Variants in MACF1 observed in about 807,000 individuals in gnomAD.
MACF1 encodes microtubule actin crosslinking factor 1.
Under a neutral mutation model 854.8 loss-of-function variants are expected in MACF1, and 193 were observed. The ratio of observed to expected loss-of-function variants is 0.23; its 90% CI spans 0.20 to 0.25. The LOEUF (loss-of-function observed/expected upper bound fraction) is 0.25. MACF1 is among the 10% of genes least tolerant of loss of function. The pLI is 1.00. For missense variants in MACF1, 7,722 were observed against 8,929.1 expected, an observed-to-expected ratio of 0.86 and a Z score of 5.45; for synonymous variants, 3,185 against 3,226.7, an observed-to-expected ratio of 0.99 and a Z score of 0.44.
intron 58 of MACF1, among the ~76,000 whole-genome samples, chr1:39,418,855 C>T (rs1040548191): frequency 3.4e-5 from 5 of 149,124 alleles, no homozygotes; most frequent in African/African-American, 1.2e-4. Flanking sequence ...AGTGTGAGAC[C>T]CTGTCTCAAA....
intron 6 of MACF1, among the ~76,000 whole-genome samples, chr1:39,275,372 C>T (rs939564979): frequency 5.3e-5 from 8 of 151,904 alleles, no homozygotes; most frequent in Non-Finnish European, 7.4e-5. Context: ...TGAGCCACTG[C>T]GCCTGTAATT....
chr1:39,106,999 G>A (rs1000848320), intron 2 of MACF1, among the ~76,000 whole-genome samples: 3 of 152,114 alleles, frequency 2.0e-5, no homozygotes, highest in Non-Finnish European at 2.9e-5. Context: ...TTTAAGAAAT[G>A]TGGTTCATTT....
rs1055738266 is a variant in MACF1, at chr1:39,440,915, A to G, written c.18448-88A>G. On this transcript the variant is annotated intron_variant, in intron 72 of 100. Transcript: ENST00000564288. ...CTGACAGTTATGTTGAGCATCTGCT[A>G]TTGATGGGGTATAAATCACATTTGC... 1.3e-5 allele frequency: 17 copies of G among 1,344,670 alleles called. No individual in the cohort carries two copies. In the African/African-American group the frequency reaches 1.7e-4, roughly 14 times the overall value. The allele number at this position is 1,344,670 out of a possible 1,614,324, so 83.3% of individuals were successfully genotyped here.
chr1:39,335,362 A>G lies in MACF1; in HGVS notation c.8774A>G (p.Gln2925Arg), dbSNP rs1170657383. The G allele has an allele frequency of 6.2e-7, 1 of 1,613,566 alleles. No homozygotes were observed. The highest frequency in any genetic ancestry group is 8.5e-7 in the Non-Finnish European group (1 of 1,179,626). ...ATAGAAATTATTTCTCATATGAAGC[A>G]GTCTACCTCATGTCTAGATTCTGAA... Reference protein sequence around the residue: ...TKIEIISHMKQSTSCLDSEEI... With the variant: ...TKIEIISHMKRSTSCLDSEEI... The change falls in exon 37 of 101, where the codon CAG (glutamine) becomes CGG (arginine). Residue 2925 changes from glutamine (Q) to arginine (R), a missense_variant. Gln to Arg is a conservative substitution (Grantham distance 43). Around this residue, in one of 15 missense-constraint regions of MACF1, gnomAD observed 854 missense variants for 852.6 expected, o/e 1.00. Transcript: ENST00000564288.
intron 1 of MACF1, among the ~76,000 whole-genome samples, chr1:39,219,318 G>T (rs1031514027): frequency 6.6e-6 from 1 of 152,144 alleles, no homozygotes; most frequent in African/African-American, 2.4e-5. Flanking sequence ...GACAGACTTG[G>T]ATTTGAATCT....
intron 97 of MACF1, among the ~76,000 whole-genome samples, chr1:39,478,535 G>T (rs150463451): frequency 6.6e-5 from 10 of 152,278 alleles, no homozygotes; most frequent in African/African-American, 2.2e-4. Context: ...GTATCCAAGT[G>T]AGTGCTTTTA....
intron 1 of MACF1, among the ~76,000 whole-genome samples, chr1:39,225,600 G>A (rs1644707592): frequency 6.6e-6 from 1 of 152,206 alleles, no homozygotes; most frequent in South Asian, 2.1e-4. Flanking sequence ...CTGAAACTTA[G>A]ATGGACAGTA....
Position 39,359,965 on chromosome 1 carries a change from C to T in MACF1, c.12244+701C>T, listed in dbSNP as rs1387685051. 1.2e-4 allele frequency among the ~76,000 whole-genome samples: 13 copies of T among 109,406 alleles called. No homozygotes were observed. The East Asian group carries it at 1.5e-3, about 12-fold the overall frequency. The allele number at this position is 109,406 out of a possible 152,430, so 71.8% of individuals were successfully genotyped here. The stretch of plus-strand genomic sequence containing the variant: ...TCGTGCCACTGCACTCCAGCCTGGG[C>T]GACACAGCAAGACTCCGTCTCAAAA... On this transcript the variant is annotated intron_variant, in intron 47 of 100. Coordinates refer to ENST00000564288, the MANE Select transcript of MACF1 (RefSeq NM_001394062.1).
At chr1:39,477,135 TACAC>T (rs1553458204) in intron 97 of MACF1, among the ~76,000 whole-genome samples, 1 of 103,370 alleles carries the variant, frequency 9.7e-6, no homozygotes, top group African/African-American at 3.9e-5. Flanking sequence ...TATATATATA[TACAC>T]ACACACACAC....
chr1:39,411,035 C>T, intron 58 of MACF1: 1 of 1,613,960 alleles, frequency 6.2e-7, no homozygotes, highest in Non-Finnish European at 8.5e-7. Flanking sequence ...TTCTCAAGTG[C>T]AACCTGGCCG....
rs536543417 is a variant in MACF1 at position 39,333,313 on chromosome 1, A to G, written c.6725A>G (p.Glu2242Gly). ...KTFLAKDDHKESQEAQNIAGG... is the reference protein window; with the variant it reads ...KTFLAKDDHKGSQEAQNIAGG... ...TTTCTGGCTAAGGATGACCATAAAGAAAGTCAAGAAGCACAGAACATCGCA... is the reference window on the plus strand; with the variant it reads ...TTTCTGGCTAAGGATGACCATAAAGGAAGTCAAGAAGCACAGAACATCGCA... Residue 2242 changes from glutamate to glycine, a missense_variant, in exon 37 of 101, where the codon GAA becomes GGA. By Grantham distance (98) the Glu-to-Gly change is moderately conservative. Around this residue, in one of 15 missense-constraint regions of MACF1, gnomAD observed 1,531 missense variants for 1,601.6 expected, o/e 0.96. Coordinates refer to ENST00000564288, the MANE Select transcript of MACF1 (RefSeq NM_001394062.1). The G allele has an allele frequency of 6.2e-7, 1 of 1,614,170 alleles. No individual in the cohort carries two copies. Among genetic ancestry groups the G allele is most frequent in the Admixed American group, 1.7e-5 (1 of 60,028 alleles).
At chr1:39,480,856 T>C (rs1644999891) in intron 98 of MACF1, 64 bp from the exon 99 acceptor site, 1 of 822,170 alleles carries the variant, frequency 1.2e-6, no homozygotes, top group Non-Finnish European at 2.0e-6. Context: ...CTGTTCCCAA[T>C]GTGCACCCTT....
intron 6 of MACF1, among the ~76,000 whole-genome samples, chr1:39,277,920 C>T (rs575717777): frequency 6.6e-5 from 10 of 152,122 alleles, no homozygotes; most frequent in Non-Finnish European, 1.3e-4. Context: ...TGTTCTTCTC[C>T]ATGGTGCCAG....
chr1:39,414,340 C>A (rs767835014), intron 58 of MACF1: 2 of 1,613,986 alleles, frequency 1.2e-6, no homozygotes, highest in Non-Finnish European at 1.7e-6. Flanking sequence ...AACACCTGTT[C>A]TAGAGGAGGC....
intron 38 of MACF1, among the ~76,000 whole-genome samples, chr1:39,337,653 G>A (rs920691120): frequency 1.5e-5 from 2 of 135,560 alleles, no homozygotes; most frequent in Non-Finnish European, 3.1e-5. Context: ...TGCAACCTCC[G>A]CCTCCCGGGT....
At chr1:39,315,462 C>CT in intron 26 of MACF1, 51 bp from the exon 27 acceptor site, 1 of 1,567,176 alleles carries the variant, frequency 6.4e-7, no homozygotes, top group Non-Finnish European at 8.7e-7. Context: ...TTCTTTCTAC[C>CT]TTTTTTGTTC....
chr1:39,084,213 TG>T lies in MACF1; in HGVS notation c.-3del. On this transcript the variant is annotated 5_prime_UTR_variant, in exon 2 of 94. Transcript: ENST00000361689. This position sits in a 1 kb window ranked among gnomAD's most constrained non-coding sequence, Gnocchi z 5.2. ...AGGCCCTCCTGCAGCAGCCCCCGCC[TG>T]GGCCATGTCTTCCTCAGATGAAGAG... The T allele has an allele frequency of 6.2e-7, 1 of 1,612,258 alleles. No individual in the cohort carries two copies. Among genetic ancestry groups the T allele is most frequent in the Non-Finnish European group, 8.5e-7 (1 of 1,179,936 alleles).
chr1:39,309,540 G>A (rs1646257589), intron 23 of MACF1, 30 bp from the exon 24 acceptor site: 12 of 1,612,958 alleles, frequency 7.4e-6, no homozygotes, highest in Non-Finnish European at 1.0e-5. Context: ...GTCTTACAAA[G>A]GTAATAGTCA....
chr1:39,177,321 C>T (rs957966083), intron 2 of MACF1, among the ~76,000 whole-genome samples: 1 of 152,128 alleles, frequency 6.6e-6, no homozygotes, highest in African/African-American at 2.4e-5. Context: ...GGAGTTTCTC[C>T]GTGTTGGTCA....
Sources: allele counts gnomAD v4.1 joint callset (sites outside exome capture counted in the v4.1 genomes callset), GRCh38; gene constraint gnomAD v4.1.1; regional missense constraint gnomAD v4.1.1; non-coding constraint Gnocchi (gnomAD v3.1); transcripts MANE v1.5; gene names NCBI Gene and HGNC (gene_info 2026-07-23, HGNC 2026-07-21).